DGKB: variants seen among roughly 807,000 people sequenced by gnomAD.
DGKB encodes the protein 90 kDa diacylglycerol kinase.
A neutral mutation model predicts 114.3 loss-of-function variants in DGKB; 67 were observed. The ratio of observed to expected loss-of-function variants is 0.59; its 90% CI spans 0.48 to 0.72. The LOEUF is 0.72. Among genes scored for constraint, DGKB ranks in the 30% least tolerant of loss-of-function variants. The probability of loss-of-function intolerance (pLI) is 0.00; values close to 1 mark genes in which losing one functional copy is unlikely to be tolerated. For synonymous variants in DGKB, 398 were observed against 323.1 expected (o/e 1.23, Z -2.49); for missense variants, 907 against 975.2 (o/e 0.93, Z 0.93).
intron 20 of DGKB, among the ~76,000 whole-genome samples, chr7:14,541,762 T>C (rs1488622545): frequency 6.6e-6 from 1 of 152,198 alleles, no homozygotes; most frequent in Non-Finnish European, 1.5e-5. Flanking sequence ...AACCCTTTCT[T>C]CCATGTTCCA....
At chr7:14,864,219 G>A (rs112209998) in intron 1 of DGKB, among the ~76,000 whole-genome samples, 40 of 150,922 alleles carry the variant, frequency 2.7e-4, no homozygotes, top group Admixed American at 4.6e-4. Flanking sequence ...TAATAGTTTC[G>A]TACAGATAAC....
chr7:14,706,114 GA>G (rs1296690050), intron 6 of DGKB, among the ~76,000 whole-genome samples: 1 of 143,348 alleles, frequency 7.0e-6, no homozygotes, highest in Non-Finnish European at 1.5e-5. Flanking sequence ...TAAAAGGATG[GA>G]GGAAGATCTA....
At chr7:14,343,376 G>A (rs1811943881) in intron 22 of DGKB, among the ~76,000 whole-genome samples, 1 of 151,780 alleles carries the variant, frequency 6.6e-6, no homozygotes, top group Non-Finnish European at 1.5e-5. Context: ...CAGATTTCTT[G>A]GAGAACATTC....
intron 23 of DGKB, among the ~76,000 whole-genome samples, chr7:14,271,695 A>T (rs1215345770): frequency 2.6e-5 from 4 of 152,212 alleles, no homozygotes; most frequent in Non-Finnish European, 5.9e-5. Flanking sequence ...AGCACTACAA[A>T]AAAGGTATTC....
chr7:14,809,105 C>T (rs886884445), intron 2 of DGKB, among the ~76,000 whole-genome samples: 1 of 152,066 alleles, frequency 6.6e-6, no homozygotes, highest in African/African-American at 2.4e-5. Flanking sequence ...ATTATCTTTA[C>T]AGCTACTGCA....
chr7:14,506,295 C>T (rs541045293), intron 20 of DGKB, among the ~76,000 whole-genome samples: 48 of 152,202 alleles, frequency 3.2e-4, no homozygotes, highest in African/African-American at 1.1e-3. Context: ...AGTGCAAGTC[C>T]AGACCTTCAT....
intron 20 of DGKB, among the ~76,000 whole-genome samples, chr7:14,501,615 C>G (rs1786195450): frequency 6.6e-6 from 1 of 151,796 alleles, no homozygotes; most frequent in African/African-American, 2.4e-5. Flanking sequence ...CTCCAGGAAG[C>G]TGAACTGAGT....
At chr7:14,646,806 C>T (rs545199500) in intron 13 of DGKB, among the ~76,000 whole-genome samples, 1 of 151,586 alleles carries the variant, frequency 6.6e-6, no homozygotes, top group African/African-American at 2.4e-5. Context: ...AATAGAAATA[C>T]CTATGGGATA....
rs910421824 is a variant in DGKB, at chr7:14,418,426, T to C, written c.1835+59735A>G. Among the ~76,000 whole-genome samples, 5 of 147,962 alleles carry C rather than the reference T, an allele frequency of 3.4e-5. No homozygotes were observed. In the Admixed American group the frequency reaches 3.4e-4, roughly 10 times the overall value. On this transcript the variant is annotated intron_variant, in intron 21 of 25. Coordinates refer to ENST00000402815, the MANE Select transcript of DGKB (RefSeq NM_001350709.2). ...ACATATATTCATGTGAGTATACATA[T>C]TTCCTTTATGGCAGAGTGTAAAATA...
chr7:14,247,695 A>AT (rs58198528), intron 23 of DGKB, among the ~76,000 whole-genome samples: 3,960 of 151,400 alleles, frequency 0.026, 173 homozygotes, highest in African/African-American at 0.091. Context: ...TAATCTGGTT[A>AT]TTTTTTTTCT....
intron 5 of DGKB, among the ~76,000 whole-genome samples, chr7:14,722,997 C>CTTTATTTATTTATTTATTTATTTATTTA (rs61621101): frequency 6.1e-5 from 9 of 148,060 alleles, no homozygotes; most frequent in African/African-American, 2.0e-4. Context: ...CTACTCTACC[C>CTTTATTTATTTATTTATTTATTTATTTA]TTTATTTATT....
intron 20 of DGKB, among the ~76,000 whole-genome samples, chr7:14,487,109 C>G (rs967475984): frequency 2.5e-4 from 38 of 152,144 alleles, no homozygotes; most frequent in African/African-American, 8.7e-4. Context: ...TATTCACTTT[C>G]CATGAAATGA....
intron 21 of DGKB, among the ~76,000 whole-genome samples, chr7:14,415,211 G>T (rs1279440172): frequency 6.6e-6 from 1 of 151,742 alleles, no homozygotes; most frequent in Non-Finnish European, 1.5e-5. Flanking sequence ...TTAGTTTTAT[G>T]TATCAAATTA....
At chr7:14,280,229 C>G (rs1449846566) in intron 23 of DGKB, among the ~76,000 whole-genome samples, 1 of 151,970 alleles carries the variant, frequency 6.6e-6, no homozygotes, top group Non-Finnish European at 1.5e-5. Flanking sequence ...GCCTCAGGAG[C>G]TGATGCGATC....
At chr7:14,722,014 A>C (rs1292269471) in intron 5 of DGKB, among the ~76,000 whole-genome samples, 2 of 152,158 alleles carry the variant, frequency 1.3e-5, no homozygotes, top group Non-Finnish European at 2.9e-5. Context: ...TCTGTTTATA[A>C]AGTTATTACC....
intron 4 of DGKB, among the ~76,000 whole-genome samples, chr7:14,740,891 G>T (rs1442985397): frequency 6.6e-6 from 1 of 152,144 alleles, no homozygotes; most frequent in African/African-American, 2.4e-5. Context: ...AAGGATAAAA[G>T]AAGGAAAGAG....
chr7:14,554,047 A>AT (rs1421360063), intron 20 of DGKB, among the ~76,000 whole-genome samples: 2 of 151,058 alleles, frequency 1.3e-5, no homozygotes, highest in Admixed American at 6.6e-5. Context: ...TAATTTTTGT[A>AT]TTTTTTAGTA....
intron 21 of DGKB, among the ~76,000 whole-genome samples, chr7:14,363,079 T>C (rs565212026): frequency 2.0e-4 from 31 of 152,208 alleles, no homozygotes; most frequent in African/African-American, 7.2e-4. Flanking sequence ...GGAAAACCAC[T>C]AGGAGAGGGA....
At chr7:14,579,935 T>C (rs973359905) in intron 19 of DGKB, among the ~76,000 whole-genome samples, 4 of 152,218 alleles carry the variant, frequency 2.6e-5, no homozygotes, top group African/African-American at 4.8e-5. Flanking sequence ...CTTCTCTAAG[T>C]GAGCTTTGAT....
Sources: gnomAD v4.1 joint callset for allele counts (sites outside exome capture counted in the v4.1 genomes callset) on GRCh38, gnomAD v4.1.1 for gene constraint, MANE v1.5 for transcripts, NCBI Gene and HGNC (gene_info 2026-07-23, HGNC 2026-07-21) for gene names.